WDR33: variants seen among roughly 807,000 people sequenced by gnomAD.
The protein encoded by WDR33 is WD repeat domain 33.
WDR33 carries 47 observed loss-of-function variants against 164.9 expected under a neutral mutation model. The ratio of observed to expected loss-of-function variants is 0.29; its 90% CI spans 0.23 to 0.36. The LOEUF (loss-of-function observed/expected upper bound fraction) is 0.36, where lower values mean the gene tolerates loss of function less well. Among genes scored for constraint, WDR33 ranks in the 10% least tolerant of loss-of-function variants. WDR33 has a pLI of 1.00. For synonymous variants in WDR33, 505 were observed against 589.0 expected (o/e 0.86, Z 2.06); for missense variants, 1,137 against 1,754.1 (o/e 0.65, Z 6.28).
intron 1 of WDR33, among the ~76,000 whole-genome samples, chr2:127,804,125 TC>T (rs562983391): frequency 2.5e-4 from 38 of 151,892 alleles, no homozygotes; most frequent in Non-Finnish European, 4.1e-4. Context: ...ATCGAGACCA[TC>T]CTGGCTAACA....
In WDR33 at chr2:127,726,727, C is replaced by G. The variant is rs1192705166; in HGVS notation, c.775G>C (p.Val259Leu). ...CVDWHPTKGLVVSGSKDSQQP... is the reference protein window; with the variant it reads ...CVDWHPTKGLLVSGSKDSQQP... ...TGACTATCTTTACTTCCTGAAACAACTAACCCTTTGGTTGGATGCCAGTCT... is the reference window on the plus strand; with the variant it reads ...TGACTATCTTTACTTCCTGAAACAAGTAACCCTTTGGTTGGATGCCAGTCT... Residue 259 changes from valine (V) to leucine (L), a missense_variant, in exon 8 of 22, where the codon GTT becomes CTT. Coordinates refer to ENST00000322313, the MANE Select transcript of WDR33 (RefSeq NM_018383.5). The surrounding 1 kb of genome is among the most constrained non-coding windows in gnomAD (Gnocchi z 4.8). 6.2e-7 allele frequency: 1 copy of G among 1,614,212 alleles called. No homozygotes were observed. Among genetic ancestry groups the G allele is most frequent in the Admixed American group, 1.7e-5 (1 of 60,030 alleles).
intron 21 of WDR33, among the ~76,000 whole-genome samples, chr2:127,707,323 C>T (rs1686045426): frequency 1.3e-5 from 2 of 151,832 alleles, no homozygotes; most frequent in Non-Finnish European, 2.9e-5. Flanking sequence ...GATTTGGTCA[C>T]ATCTCCCATA....
intron 1 of WDR33, among the ~76,000 whole-genome samples, chr2:127,772,656 C>G (rs1280100258): frequency 6.6e-6 from 1 of 152,012 alleles, no homozygotes; most frequent in Non-Finnish European, 1.5e-5. Flanking sequence ...CAAAGTACCA[C>G]AGAAACTTAT....
intron 1 of WDR33, among the ~76,000 whole-genome samples, chr2:127,776,531 A>G (rs1369334581): frequency 6.6e-6 from 1 of 152,110 alleles, no homozygotes; most frequent in East Asian, 1.9e-4. Flanking sequence ...CCACCCAGTA[A>G]GACCCTGTTT....
At chr2:127,744,024 C>T (rs138003188) in intron 7 of WDR33, among the ~76,000 whole-genome samples, 1 of 151,308 alleles carries the variant, frequency 6.6e-6, no homozygotes, top group East Asian at 2.0e-4. Flanking sequence ...GGAGGAAAGA[C>T]TTTTTACCAT....
At position 127,726,657 on chromosome 2, in the gene WDR33, G is replaced by A; in HGVS notation, c.845C>T (p.Ala282Val). Reference sequence around the variant, plus strand: ...TGGGGTTCCTGTCACTTACAGTGTTGCAAGACTCTGCCCAGTCTTGGGATC... The same window carrying A: ...TGGGGTTCCTGTCACTTACAGTGTTACAAGACTCTGCCCAGTCTTGGGATC... ...FWDPKTGQSLATLHAHKNTVM... is the reference protein window; with the variant it reads ...FWDPKTGQSLVTLHAHKNTVM... Residue 282 changes from alanine (A) to valine (V), a missense_variant, in exon 8 of 22, where the codon GCA (alanine) becomes GTA (valine). Physicochemically the swap from Ala to Val is moderately conservative, Grantham distance 64. Around this residue, in one of 9 missense-constraint regions of WDR33, gnomAD observed 83 missense variants for 189.2 expected, o/e 0.44. Coordinates refer to ENST00000322313, the MANE Select transcript of WDR33 (RefSeq NM_018383.5). This position sits in a 1 kb window ranked among gnomAD's most constrained non-coding sequence, Gnocchi z 4.8. 6.2e-7 allele frequency: 1 copy of A among 1,614,084 alleles called. No individual in the cohort carries two copies. Among genetic ancestry groups the A allele is most frequent in the Non-Finnish European group, 8.5e-7 (1 of 1,179,988 alleles).
At chr2:127,757,239 A>G (rs1687547166) in intron 7 of WDR33, among the ~76,000 whole-genome samples, 1 of 152,188 alleles carries the variant, frequency 6.6e-6, no homozygotes, top group Admixed American at 6.6e-5. Flanking sequence ...TATTATGTAC[A>G]ATATTTTAAA....
intron 4 of WDR33, among the ~76,000 whole-genome samples, chr2:127,767,550 A>G (rs1036112688): frequency 6.6e-6 from 1 of 151,892 alleles, no homozygotes; most frequent in Admixed American, 6.6e-5. Flanking sequence ...CGTCTCTACT[A>G]AAAATACAAA....
In WDR33 at chr2:127,709,914, C is replaced by T; in HGVS notation, c.3309-58G>A. On this transcript the variant is annotated intron_variant, in intron 18 of 21. Coordinates refer to ENST00000322313, the MANE Select transcript of WDR33 (RefSeq NM_018383.5). This position sits in a 1 kb window ranked among gnomAD's most constrained non-coding sequence, Gnocchi z 5.0. ...AGAGAACACCTTGCCACTCTAAGTT[C>T]ATGTTTCAAAGAAGCATATGATATG... The T allele has an allele frequency of 6.4e-7, 1 of 1,571,816 alleles. No homozygotes were observed. Among genetic ancestry groups the T allele is most frequent in the Non-Finnish European group, 8.6e-7 (1 of 1,158,836 alleles).
intron 1 of WDR33, among the ~76,000 whole-genome samples, chr2:127,805,079 T>TC (rs1689386620): frequency 7.5e-6 from 1 of 133,598 alleles, no homozygotes; most frequent in African/African-American, 2.9e-5. Flanking sequence ...TTTTTTTTTT[T>TC]TTTTTTTTTT....
At position 127,714,965 on chromosome 2, in the gene WDR33, C is replaced by G. The variant is rs1241564290; in HGVS notation, c.2870-944G>C. ...TTTAAAGTGAAATTCCTCCAATAGC[C>G]CAGTTCATGCCTTTTACTGCTTTTC... On this transcript the variant is annotated intron_variant, in intron 17 of 21. Coordinates refer to ENST00000322313, the MANE Select transcript of WDR33 (RefSeq NM_018383.5). This position sits in a 1 kb window ranked among gnomAD's most constrained non-coding sequence, Gnocchi z 4.3. Among the ~76,000 whole-genome samples, 1 of 152,062 alleles carries G rather than the reference C, an allele frequency of 6.6e-6. No homozygotes were observed. The highest frequency in any genetic ancestry group is 1.5e-5 in the Non-Finnish European group (1 of 67,992).
intron 1 of WDR33, among the ~76,000 whole-genome samples, chr2:127,788,118 G>T (rs1282775933): frequency 2.1e-5 from 2 of 96,694 alleles, no homozygotes; most frequent in Non-Finnish European, 2.1e-5. Context: ...CGGGCTGAGG[G>T]GCTCCTCACT....
At chr2:127,736,719 G>C in intron 7 of WDR33, 1 of 985,360 alleles carries the variant, frequency 1.0e-6, no homozygotes, top group Non-Finnish European at 1.2e-6. Flanking sequence ...AGTACTTCTG[G>C]CATCAAAGTG....
At position 127,706,006 on chromosome 2, in the gene WDR33, A is replaced by C. The variant is rs1277303140; in HGVS notation, c.*317T>G. 1 of 313,650 alleles carries C rather than the reference A, an allele frequency of 3.2e-6. No homozygotes were observed. Among genetic ancestry groups the C allele is most frequent in the Non-Finnish European group, 5.8e-6 (1 of 172,648 alleles). The allele number at this position is 313,650 out of a possible 1,614,324, so 19.4% of individuals were successfully genotyped here. A position where few individuals can be genotyped will look rare whatever the true frequency, so the allele number is the denominator to read the frequency against. On this transcript the variant is annotated 3_prime_UTR_variant, in exon 22 of 22. Transcript: ENST00000322313. The surrounding 1 kb of genome is among the most constrained non-coding windows in gnomAD (Gnocchi z 5.1). ...CTGTACACATAGAAACAAATTTCCA[A>C]ATGGACAGGAACTTAAATTTGTGGA...
At chr2:127,792,025 G>A (rs2105481270) in intron 1 of WDR33, among the ~76,000 whole-genome samples, 1 of 150,976 alleles carries the variant, frequency 6.6e-6, no homozygotes, top group African/African-American at 2.4e-5. Context: ...TGCAACCTCT[G>A]CCTCCCAAGT....
Position 127,724,052 on chromosome 2 carries a change from T to C in WDR33, c.1196+281A>G. Among the ~76,000 whole-genome samples, 1 of 150,136 alleles carries C rather than the reference T, an allele frequency of 6.7e-6. No individual in the cohort carries two copies. The highest frequency in any genetic ancestry group is 1.9e-4 in the East Asian group (1 of 5,154). On this transcript the variant is annotated intron_variant, in intron 11 of 21. Transcript: ENST00000322313. This position sits in a 1 kb window ranked among gnomAD's most constrained non-coding sequence, Gnocchi z 4.8. Reference sequence around the variant, plus strand: ...GAGACCGCACCATTGCACGCCAGCCTGGACAGAGACCCTGTCTCAAATAAA... The same window carrying C: ...GAGACCGCACCATTGCACGCCAGCCCGGACAGAGACCCTGTCTCAAATAAA...
At chr2:127,748,884 TAAA>T (rs59425653) in intron 7 of WDR33, among the ~76,000 whole-genome samples, 2,215 of 104,936 alleles carry the variant, frequency 0.021, 15 homozygotes, top group East Asian at 0.035. Flanking sequence ...AGCTGAAACT[TAAA>T]AAAAAAAAAA....
intron 7 of WDR33, chr2:127,737,814 C>A: frequency 7.4e-7 from 1 of 1,349,328 alleles, no homozygotes; most frequent in Non-Finnish European, 9.5e-7. Context: ...ATTAAGGATA[C>A]ACTTCTTTTT....
At chr2:127,727,672 A>C (rs1686604280) in intron 7 of WDR33, among the ~76,000 whole-genome samples, 1 of 152,226 alleles carries the variant, frequency 6.6e-6, no homozygotes, top group Admixed American at 6.5e-5. Context: ...CGTGAAAGTC[A>C]ATTTGTAAAT....
Sources: allele counts gnomAD v4.1 joint callset (sites outside exome capture counted in the v4.1 genomes callset), GRCh38; gene constraint gnomAD v4.1.1; regional missense constraint gnomAD v4.1.1; non-coding constraint Gnocchi (gnomAD v3.1); transcripts MANE v1.5; gene names NCBI Gene and HGNC (gene_info 2026-07-23, HGNC 2026-07-21).